The following TTPAL variants were observed in gnomAD, a reference collection of about 807,000 sequenced individuals.
TTPAL encodes alpha tocopherol transfer protein like.
TTPAL carries 21 observed loss-of-function variants against 28.7 expected under a neutral mutation model. That is an observed-to-expected ratio of 0.73 (90% confidence interval 0.52 to 1.06). TTPAL has a LOEUF of 1.06. Among genes scored for constraint, TTPAL ranks in the 50% least tolerant of loss-of-function variants. The pLI is 0.00. For missense variants in TTPAL, 345 were observed against 425.5 expected (o/e 0.81, Z 1.67); for synonymous variants, 169 against 171.9 (o/e 0.98, Z 0.13).
intron 1 of TTPAL, among the ~76,000 whole-genome samples, chr20:44,479,403 T>TC (rs1273262286): frequency 6.8e-5 from 5 of 73,562 alleles, no homozygotes; most frequent in African/African-American, 3.5e-4. Context: ...TGAGTTGTTT[T>TC]TTTTTTTTTT....
At chr20:44,488,134 T>C (rs1320472121) in intron 4 of TTPAL, among the ~76,000 whole-genome samples, 1 of 152,176 alleles carries the variant, frequency 6.6e-6, no homozygotes, top group African/African-American at 2.4e-5. Flanking sequence ...GAACTTGAAA[T>C]CCAGCTCCAG....
Position 44,493,066 on chromosome 20 carries a change from T to G in TTPAL, c.*3525T>G, listed in dbSNP as rs2122992662. 1 of 152,446 alleles carries G rather than the reference T, an allele frequency of 6.6e-6. No homozygotes were observed. The highest frequency in any genetic ancestry group is 2.4e-5 in the African/African-American group (1 of 41,560). The allele number at this position is 152,446 out of a possible 1,614,324, so 9.4% of individuals were successfully genotyped here. On this transcript the variant is annotated 3_prime_UTR_variant, in exon 5 of 5. Transcript: ENST00000262605. ...GAGCGGCTGAGGTGGGTGTATCACC[T>G]GAAGTCCGGAGTTTGAGACCAGCCT...
At chr20:44,483,489 A>T (rs1330001451) in intron 2 of TTPAL, among the ~76,000 whole-genome samples, 1 of 152,174 alleles carries the variant, frequency 6.6e-6, no homozygotes, top group Non-Finnish European at 1.5e-5. Context: ...GGCCAGAAGG[A>T]TGTGCTGTCA....
In TTPAL at chr20:44,489,702, C is replaced by G; in HGVS notation, c.*161C>G. On this transcript the variant is annotated 3_prime_UTR_variant, in exon 5 of 5. Transcript: ENST00000262605. ...GAGCATGAGCCCATTTTGGGGTAAG[C>G]CTTTGGTTACTTTAATTACTCCATG... is the stretch of plus-strand genomic sequence containing the variant. 1 of 732,126 alleles carries G rather than the reference C, an allele frequency of 1.4e-6. No homozygotes were observed. The highest frequency in any genetic ancestry group is 2.0e-5 in the South Asian group (1 of 50,678). 45.4% of individuals were successfully genotyped at this position (732,126 alleles called of 1,614,324 possible).
chr20:44,481,389 T>G (rs371936918), intron 2 of TTPAL, among the ~76,000 whole-genome samples: 93 of 151,774 alleles, frequency 6.1e-4, no homozygotes, highest in African/African-American at 2.1e-3. Flanking sequence ...TACAAAAAAT[T>G]TAAAAAAAAA....
At position 44,484,463 on chromosome 20, in the gene TTPAL, G is replaced by T; in HGVS notation, c.572G>T (p.Gly191Val). The change falls in exon 3 of 5, where the codon GGA becomes GTA. Residue 191 changes from glycine (G) to valine (V), a missense_variant. Transcript: ENST00000262605. ...ATTGTAATTCTTGCAGACTACAAAG[G>T]AGTGAGTTTATCAAAAGCATCTCAC... ...NGIVILADYKGVSLSKASHFG... is the reference protein window; with the variant it reads ...NGIVILADYKVVSLSKASHFG... 3 of 1,603,618 alleles carry T rather than the reference G, an allele frequency of 1.9e-6. No individual in the cohort carries two copies. The highest frequency in any genetic ancestry group is 2.6e-6 in the Non-Finnish European group (3 of 1,171,182).
chr20:44,489,651 C>A lies in TTPAL; in HGVS notation c.*110C>A. 1 of 1,228,648 alleles carries A rather than the reference C, an allele frequency of 8.1e-7. No homozygotes were observed. Among genetic ancestry groups the A allele is most frequent in the Non-Finnish European group, 1.1e-6 (1 of 905,016 alleles). 76.1% of individuals were successfully genotyped at this position (1,228,648 alleles called of 1,614,324 possible). On this transcript the variant is annotated 3_prime_UTR_variant, in exon 5 of 5. Coordinates refer to ENST00000262605, the MANE Select transcript of TTPAL (RefSeq NM_001039199.3). ...AGTCTTGCTCCTTGTAATTAAACTG[C>A]AGGATGGAGGAACAGCCTGAGATAT...
chr20:44,479,453 C>T (rs1286336265), intron 1 of TTPAL, among the ~76,000 whole-genome samples: 2 of 118,130 alleles, frequency 1.7e-5, no homozygotes, highest in Admixed American at 1.2e-4. Context: ...GGCTGGAGTG[C>T]AGCAGCGCCA....
intron 1 of TTPAL, 130 bp from the exon 2 acceptor site, chr20:44,479,855 G>T: frequency 2.6e-6 from 2 of 759,110 alleles, no homozygotes. Context: ...CCAGTTCATT[G>T]CCCCCAGTTG....
chr20:44,477,620 T>G (rs2122744148), intron 1 of TTPAL, among the ~76,000 whole-genome samples: 1 of 151,690 alleles, frequency 6.6e-6, no homozygotes, highest in Middle Eastern at 3.4e-3. Context: ...TTAAAATATA[T>G]TTTTATTTAT....
At chr20:44,488,082 A>G (rs2064169161) in intron 4 of TTPAL, among the ~76,000 whole-genome samples, 1 of 152,176 alleles carries the variant, frequency 6.6e-6, no homozygotes, top group African/African-American at 2.4e-5. Flanking sequence ...GCTTTTTCAA[A>G]GTAACATATA....
Position 44,484,299 on chromosome 20 carries a change from A to T in TTPAL, c.446-38A>T, listed in dbSNP as rs757336802. The T allele has an allele frequency of 3.7e-6, 5 of 1,351,582 alleles. No homozygotes were observed. The South Asian group carries it at 9.8e-5, about 27-fold the overall frequency. The allele number at this position is 1,351,582 out of a possible 1,614,324, so 83.7% of individuals were successfully genotyped here. ...CTTTGTTTGACCACTTATTTATATTAACTTCTGTAACATACTGTCAATCTC... is the reference window on the plus strand; with the variant it reads ...CTTTGTTTGACCACTTATTTATATTTACTTCTGTAACATACTGTCAATCTC... On this transcript the variant is annotated intron_variant, in intron 2 of 4. Transcript: ENST00000262605.
intron 4 of TTPAL, among the ~76,000 whole-genome samples, chr20:44,488,601 T>C (rs2064174362): frequency 1.3e-5 from 2 of 152,066 alleles, no homozygotes; most frequent in African/African-American, 2.4e-5. Context: ...GTGGGAAGGG[T>C]TGCAGTATTC....
At chr20:44,477,525 G>A (rs1392821697) in intron 1 of TTPAL, among the ~76,000 whole-genome samples, 1 of 152,082 alleles carries the variant, frequency 6.6e-6, no homozygotes, top group East Asian at 1.9e-4. Context: ...GCATCTCTCA[G>A]CTGGATTATT....
In TTPAL at chr20:44,490,132, A is replaced by G. The variant is rs2064191362; in HGVS notation, c.*591A>G. The G allele has an allele frequency of 6.5e-6, 1 of 153,644 alleles. No individual in the cohort carries two copies. Among genetic ancestry groups the G allele is most frequent in the South Asian group, 2.0e-4 (1 of 4,902 alleles). The allele number at this position is 153,644 out of a possible 1,614,324, so 9.5% of individuals were successfully genotyped here. On this transcript the variant is annotated 3_prime_UTR_variant, in exon 5 of 5. Transcript: ENST00000262605. ...ATCATGTAAGCATCAGGACATAAGC[A>G]GCACTTTGTGGTCAAATGTGGAAGC...
Position 44,489,580 on chromosome 20 carries a change from C to A in TTPAL, c.*39C>A. On this transcript the variant is annotated 3_prime_UTR_variant, in exon 5 of 5. Transcript: ENST00000262605. ...GTCACCATCTTTAATTCTTTTCCTTCTTTTCTTTGGAGAGGCACAAGGAGA... is the reference window on the plus strand; with the variant it reads ...GTCACCATCTTTAATTCTTTTCCTTATTTTCTTTGGAGAGGCACAAGGAGA... The A allele has an allele frequency of 1.3e-6, 2 of 1,579,242 alleles. No individual in the cohort carries two copies. The highest frequency in any genetic ancestry group is 1.2e-5 in the South Asian group (1 of 86,260).
In TTPAL at chr20:44,480,230, C is replaced by G. The variant is rs374073244; in HGVS notation, c.231C>G (p.Asp77Glu). The G allele has an allele frequency of 9.3e-6, 15 of 1,614,040 alleles. No homozygotes were observed. The highest frequency in any genetic ancestry group is 1.1e-5 in the Non-Finnish European group (13 of 1,180,022). Residue 77 changes from aspartate to glutamate, a missense_variant, in exon 2 of 5, where the codon GAC becomes GAG. Transcript: ENST00000262605. This position sits in a 1 kb window ranked among gnomAD's most constrained non-coding sequence, Gnocchi z 4.1. ...KEYPNLSTSL[D>E]DAFLLRFLRA... is the part of the protein sequence containing the mutation. ...ACCCCAACCTGAGCACATCCCTCGA[C>G]GATGCCTTCCTGCTGCGCTTCCTCC...
Position 44,490,286 on chromosome 20 carries a change from C to G in TTPAL, c.*745C>G, listed in dbSNP as rs917954072. 1 of 152,368 alleles carries G rather than the reference C, an allele frequency of 6.6e-6. No individual in the cohort carries two copies. 9.4% of individuals were successfully genotyped at this position (152,368 alleles called of 1,614,324 possible). ...AGGGACCTAGCAGGAAATGATTTTA[C>G]TCAACCTAAAATGCTGGATCCCAGG... On this transcript the variant is annotated 3_prime_UTR_variant, in exon 5 of 5. Transcript: ENST00000262605.
chr20:44,476,678 T>C (rs1019192308), intron 1 of TTPAL, among the ~76,000 whole-genome samples: 2 of 152,210 alleles, frequency 1.3e-5, no homozygotes, highest in African/African-American at 4.8e-5. Flanking sequence ...ACGTGAAGAT[T>C]AAATGAGGAA....
Sources: allele counts gnomAD v4.1 joint callset (sites outside exome capture counted in the v4.1 genomes callset), GRCh38; gene constraint gnomAD v4.1.1; non-coding constraint Gnocchi (gnomAD v3.1); transcripts MANE v1.5; gene names NCBI Gene and HGNC (gene_info 2026-07-23, HGNC 2026-07-21).